The following NELL1 variants were observed in gnomAD, a reference collection of about 807,000 sequenced individuals.
The protein encoded by NELL1 is protein kinase C-binding protein NELL1.
NELL1 carries 76 observed loss-of-function variants against 107.4 expected under a neutral mutation model. The observed-to-expected ratio is 0.71, with a 90% CI of 0.59 to 0.86. The LOEUF (loss-of-function observed/expected upper bound fraction) is 0.86. Ranked by LOEUF, NELL1 falls within the 40% of genes least tolerant of loss-of-function variation. The pLI, the probability that NELL1 is intolerant of heterozygous loss-of-function variation, is 0.00. For missense variants in NELL1, 1,024 were observed against 1,005.5 expected, an observed-to-expected ratio of 1.02 and a Z score of -0.25; for synonymous variants, 353 against 341.2, an observed-to-expected ratio of 1.03 and a Z score of -0.38.
At chr11:21,287,139 C>T (rs1849140326) in intron 14 of NELL1, among the ~76,000 whole-genome samples, 1 of 152,070 alleles carries the variant, frequency 6.6e-6, no homozygotes, top group African/African-American at 2.4e-5. Context: ...GGTTTGCGGC[C>T]AACTTTTAAA....
intron 12 of NELL1, among the ~76,000 whole-genome samples, chr11:21,085,756 G>C (rs868822567): frequency 1.3e-5 from 2 of 152,172 alleles, no homozygotes; most frequent in Non-Finnish European, 2.9e-5. Context: ...GTAGAATAGG[G>C]GACAGGACAG....
At chr11:21,196,805 T>C (rs552772188) in intron 13 of NELL1, among the ~76,000 whole-genome samples, 1 of 152,262 alleles carries the variant, frequency 6.6e-6, no homozygotes, top group East Asian at 1.9e-4. Flanking sequence ...GCACAGGCAC[T>C]TAAGAGGTAC....
At chr11:21,319,639 G>C (rs953285883) in intron 14 of NELL1, among the ~76,000 whole-genome samples, 1 of 151,514 alleles carries the variant, frequency 6.6e-6, no homozygotes, top group South Asian at 2.1e-4. Context: ...ACCGCGCCCA[G>C]CCGGAAACTA....
At chr11:21,156,129 G>A (rs1000184185) in intron 13 of NELL1, among the ~76,000 whole-genome samples, 1 of 152,038 alleles carries the variant, frequency 6.6e-6, no homozygotes, top group African/African-American at 2.4e-5. Context: ...GGAACCTGAG[G>A]GCATCTGTTA....
chr11:20,699,624 C>T (rs1345612671), intron 2 of NELL1, among the ~76,000 whole-genome samples: 1 of 152,160 alleles, frequency 6.6e-6, no homozygotes, highest in Non-Finnish European at 1.5e-5. Flanking sequence ...TCCCAAAGTG[C>T]TGGGATTACA....
At chr11:20,924,596 A>C (rs2134167949) in intron 7 of NELL1, among the ~76,000 whole-genome samples, 1 of 152,320 alleles carries the variant, frequency 6.6e-6, no homozygotes, top group East Asian at 1.9e-4. Context: ...AGATAGATAT[A>C]GAGTTGCCTT....
At chr11:21,438,959 G>A (rs1304745032) in intron 15 of NELL1, among the ~76,000 whole-genome samples, 3 of 151,864 alleles carry the variant, frequency 2.0e-5, no homozygotes, top group Non-Finnish European at 2.9e-5. Flanking sequence ...CCATAGGCAT[G>A]TGAGGTTGAC....
intron 14 of NELL1, among the ~76,000 whole-genome samples, chr11:21,309,174 A>G (rs1026878702): frequency 1.3e-5 from 2 of 149,606 alleles, no homozygotes; most frequent in African/African-American, 4.9e-5. Flanking sequence ...AAGCAGTTTG[A>G]TTCAGGTCAA....
chr11:21,531,886 C>G (rs762539802), intron 15 of NELL1, among the ~76,000 whole-genome samples: 1 of 152,096 alleles, frequency 6.6e-6, no homozygotes, highest in African/African-American at 2.4e-5. Context: ...GCTGAAAAGC[C>G]TCCAAGTGTT....
chr11:20,732,777 T>G (rs983736930), intron 2 of NELL1, among the ~76,000 whole-genome samples: 1 of 152,132 alleles, frequency 6.6e-6, no homozygotes, highest in Non-Finnish European at 1.5e-5. Flanking sequence ...CTGTACAAAG[T>G]TTTAAGTACC....
intron 12 of NELL1, among the ~76,000 whole-genome samples, chr11:21,039,378 G>T (rs1445642370): frequency 6.6e-6 from 1 of 152,070 alleles, no homozygotes; most frequent in African/African-American, 2.4e-5. Flanking sequence ...TAGAGACGGG[G>T]TTTCACCATG....
chr11:21,211,564 G>A (rs1173204457), intron 13 of NELL1, among the ~76,000 whole-genome samples: 4 of 152,136 alleles, frequency 2.6e-5, no homozygotes, highest in African/African-American at 9.7e-5. Context: ...AGTGCAGTAT[G>A]AAAAATAAAT....
intron 7 of NELL1, among the ~76,000 whole-genome samples, chr11:20,923,739 G>A (rs76720276): frequency 0.031 from 4,720 of 152,286 alleles, 253 homozygotes; most frequent in African/African-American, 0.11. Flanking sequence ...CAAATCAAGC[G>A]ACACTTGGAG....
intron 5 of NELL1, among the ~76,000 whole-genome samples, chr11:20,898,729 G>A (rs1404430009): frequency 1.3e-5 from 2 of 149,912 alleles, no homozygotes; most frequent in Non-Finnish European, 3.0e-5. Context: ...TCATATGTTT[G>A]TTTACCATTT....
rs1312095347 is a variant in NELL1, at chr11:21,190,359, A to G, written c.1427-38973A>G. On this transcript the variant is annotated intron_variant, in intron 13 of 19. Coordinates refer to ENST00000357134, the MANE Select transcript of NELL1 (RefSeq NM_006157.5). ...AGAGTGAGACTCTGTCTCCAAAACA[A>G]AAAACAAACAAGCAAACAGAAAGAA... Among the ~76,000 whole-genome samples, 3 of 151,932 alleles carry G rather than the reference A, an allele frequency of 2.0e-5. No homozygotes were observed. In the East Asian group the frequency reaches 5.8e-4, roughly 29 times the overall value.
Position 20,919,322 on chromosome 11 carries a change from G to A in NELL1, c.747G>A (p.Lys249=). Residue 249 remains lysine, a synonymous_variant, in exon 7 of 20, where the codon AAG becomes AAA. Coordinates refer to ENST00000357134, the MANE Select transcript of NELL1 (RefSeq NM_006157.5). ...GIMDLQELLA[K]MTAKLNYAET... ...TGGATTTACAAGAGCTTTTGGCCAA[G>A]ATGACTGCAAAAGTAGGTATCTAAA... 1 of 1,594,704 alleles carries A rather than the reference G, an allele frequency of 6.3e-7. No homozygotes were observed. Among genetic ancestry groups the A allele is most frequent in the Admixed American group, 1.7e-5 (1 of 59,310 alleles).
chr11:21,090,909 C>T (rs1048089310), intron 12 of NELL1, among the ~76,000 whole-genome samples: 1 of 152,190 alleles, frequency 6.6e-6, no homozygotes, highest in African/African-American at 2.4e-5. Context: ...ACAAAATAGA[C>T]TTGGATTTCA....
intron 13 of NELL1, among the ~76,000 whole-genome samples, chr11:21,157,563 G>T (rs138605582): frequency 1.7e-3 from 255 of 152,236 alleles, no homozygotes; most frequent in African/African-American, 5.6e-3. Context: ...AAAGCAAATT[G>T]TCTCTGCCTC....
rs141287189 is a variant in NELL1 at position 20,677,265 on chromosome 11, T to A, written c.56-667T>A. Among the ~76,000 whole-genome samples, 3 of 152,240 alleles carry A rather than the reference T, an allele frequency of 2.0e-5. No individual in the cohort carries two copies. In the East Asian group the frequency reaches 5.8e-4, roughly 29 times the overall value. ...CCACTTTTTTCCTCCTTAACACAGGTGATTGTGACTGATTAATTAGGGAAC... is the reference window on the plus strand; with the variant it reads ...CCACTTTTTTCCTCCTTAACACAGGAGATTGTGACTGATTAATTAGGGAAC... On this transcript the variant is annotated intron_variant, in intron 1 of 19. Coordinates refer to ENST00000357134, the MANE Select transcript of NELL1 (RefSeq NM_006157.5).
Sources: allele counts gnomAD v4.1 joint callset (sites outside exome capture counted in the v4.1 genomes callset), GRCh38; gene constraint gnomAD v4.1.1; transcripts MANE v1.5; gene names NCBI Gene and HGNC (gene_info 2026-07-23, HGNC 2026-07-21).